The following FAM185A variants were observed in gnomAD, a reference collection of about 807,000 sequenced individuals.
FAM185A encodes the protein family with sequence similarity 185 member A.
Under a neutral mutation model 45.7 loss-of-function variants are expected in FAM185A, and 21 were observed. The ratio of observed to expected loss-of-function variants is 0.46; its 90% CI spans 0.33 to 0.66. The LOEUF (loss-of-function observed/expected upper bound fraction) is 0.66, where lower values mean the gene tolerates loss of function less well. FAM185A is among the 30% of genes least tolerant of loss of function. FAM185A has a pLI of 0.03. For missense variants in FAM185A, 305 were observed against 485.4 expected (o/e 0.63, Z 3.49); for synonymous variants, 117 against 194.0 (o/e 0.60, Z 3.30).
At chr7:102,790,213 T>C (rs1355826113) in intron 7 of FAM185A, among the ~76,000 whole-genome samples, 2 of 152,244 alleles carry the variant, frequency 1.3e-5, no homozygotes, top group Non-Finnish European at 2.9e-5. Flanking sequence ...TGCTATACTT[T>C]TTTATGACAG....
chr7:102,830,212 GCAAA>G, the FAM185A span, among the ~76,000 whole-genome samples: 97 of 152,168 alleles, frequency 6.4e-4, 4 homozygotes, highest in South Asian at 0.014. Flanking sequence ...AAAAACCAAA[GCAAA>G]CAAACAAACA....
chr7:102,798,895 C>A (rs1356160882), intron 7 of FAM185A, among the ~76,000 whole-genome samples: 2 of 151,910 alleles, frequency 1.3e-5, no homozygotes, highest in Non-Finnish European at 2.9e-5. Flanking sequence ...TTACAGGCAC[C>A]TGCCACCACG....
intron 4 of FAM185A, among the ~76,000 whole-genome samples, chr7:102,771,120 A>T (rs1273571412): frequency 6.6e-6 from 1 of 152,170 alleles, no homozygotes; most frequent in Non-Finnish European, 1.5e-5. Flanking sequence ...AGAAAACCAA[A>T]TACCACATGG....
the FAM185A span, among the ~76,000 whole-genome samples, chr7:102,835,601 T>TTG: frequency 9.5e-6 from 1 of 105,474 alleles, no homozygotes; most frequent in Admixed American, 1.3e-4. Context: ...TAAGGTGACA[T>TTG]TGTTTTTTTT....
Position 102,749,547 on chromosome 7 carries a change from G to T in FAM185A, c.340G>T (p.Gly114Cys), listed in dbSNP as rs1250540610. ...GTGCGGCGTGGAGGGCGGCGTGCGGGGCCTGGACGGCCTGCAGGTGAAGTA... is the reference window on the plus strand; with the variant it reads ...GTGCGGCGTGGAGGGCGGCGTGCGGTGCCTGGACGGCCTGCAGGTGAAGTA... ...AVCGVEGGVRGLDGLQVKYDE... is the reference protein window; with the variant it reads ...AVCGVEGGVRCLDGLQVKYDE... Residue 114 changes from glycine (G) to cysteine (C), a missense_variant, in exon 1 of 8, where the codon GGC becomes TGC. Physicochemically the swap from Gly to Cys is radical, Grantham distance 159. Around this residue, in one of 5 missense-constraint regions of FAM185A, gnomAD observed 174 missense variants for 247.1 expected, o/e 0.70. Coordinates refer to ENST00000413034, the MANE Select transcript of FAM185A (RefSeq NM_001145268.2). 3.9e-6 allele frequency: 6 copies of T among 1,519,372 alleles called. No homozygotes were observed. In the African/African-American group the frequency reaches 8.3e-5, roughly 21 times the overall value. The allele number at this position is 1,519,372 out of a possible 1,614,324, so 94.1% of individuals were successfully genotyped here. A position where few individuals can be genotyped will look rare whatever the true frequency, so the allele number is the denominator to read the frequency against.
the FAM185A span, among the ~76,000 whole-genome samples, chr7:102,826,260 T>G: frequency 6.6e-6 from 1 of 152,176 alleles, no homozygotes; most frequent in African/African-American, 2.4e-5. Context: ...AGGGGCTGAA[T>G]AGTCCACAAA....
At chr7:102,794,058 A>G (rs1318014895) in intron 7 of FAM185A, among the ~76,000 whole-genome samples, 2 of 151,444 alleles carry the variant, frequency 1.3e-5, no homozygotes, top group East Asian at 1.9e-4. Flanking sequence ...AAAAAAAAAA[A>G]AGTAAAAGCC....
Position 102,777,345 on chromosome 7 carries a change from A to T in FAM185A, c.928A>T (p.Lys310Ter), listed in dbSNP as rs1337074906. The change falls in exon 6 of 8, where the codon AAA becomes TAA. Residue 310 changes from lysine to a stop codon, truncating the protein, a stop_gained. Transcript: ENST00000413034. LOFTEE classifies it high-confidence loss of function. Reference sequence around the variant, plus strand: ...GGGGAAAGTGGAATTGAAATCCCATAAAGGTTAGTGAACTGGAATGTTTTA... The same window carrying T: ...GGGGAAAGTGGAATTGAAATCCCATTAAGGTTAGTGAACTGGAATGTTTTA... Reference protein sequence around the residue: ...QLGKVELKSHKGSIIVKVPSS... With the variant: ...QLGKVELKSH 1.3e-6 allele frequency: 2 copies of T among 1,522,036 alleles called. No individual in the cohort carries two copies. Among genetic ancestry groups the T allele is most frequent in the Non-Finnish European group, 1.8e-6 (2 of 1,129,686 alleles). 94.3% of individuals were successfully genotyped at this position (1,522,036 alleles called of 1,614,324 possible).
At chr7:102,776,410 G>A (rs898938730) in intron 5 of FAM185A, among the ~76,000 whole-genome samples, 5 of 151,970 alleles carry the variant, frequency 3.3e-5, no homozygotes, top group Non-Finnish European at 7.4e-5. Flanking sequence ...TTGAGATACT[G>A]GTTGATTCAA....
At chr7:102,780,735 G>A (rs978148177) in intron 6 of FAM185A, among the ~76,000 whole-genome samples, 3 of 152,190 alleles carry the variant, frequency 2.0e-5, no homozygotes, top group African/African-American at 4.8e-5. Flanking sequence ...CAGCGTGAGC[G>A]ACGCAGAAGA....
At chr7:102,766,042 C>T in intron 4 of FAM185A, among the ~76,000 whole-genome samples, 1 of 152,060 alleles carries the variant, frequency 6.6e-6, no homozygotes, top group Non-Finnish European at 1.5e-5. Flanking sequence ...ATGTATTCTA[C>T]AAAATACAGT....
At chr7:102,758,427 C>CT (rs869220298) in intron 3 of FAM185A, among the ~76,000 whole-genome samples, 7 of 45,896 alleles carry the variant, frequency 1.5e-4, no homozygotes, top group African/African-American at 5.0e-4. Flanking sequence ...GCTCTCACAG[C>CT]TTTTTTTTTT....
chr7:102,801,222 AGGAGCTCTAAATC>A (rs781146216), intron 7 of FAM185A, among the ~76,000 whole-genome samples: 36 of 152,344 alleles, frequency 2.4e-4, no homozygotes, highest in Non-Finnish European at 5.1e-4. Flanking sequence ...AACTGCTAAA[AGGAGCTCTAAATC>A]TTAAAACAAA....
the FAM185A span, among the ~76,000 whole-genome samples, chr7:102,816,002 G>GAATCGAAA: frequency 2.6e-5 from 4 of 152,200 alleles, no homozygotes; most frequent in African/African-American, 9.6e-5. Flanking sequence ...TGATGGGACA[G>GAATCGAAA]AATCGAAATG....
chr7:102,776,116 A>ACAC (rs1198677194), intron 5 of FAM185A, among the ~76,000 whole-genome samples: 1 of 126,594 alleles, frequency 7.9e-6, no homozygotes, highest in African/African-American at 3.7e-5. Flanking sequence ...ACACACACAC[A>ACAC]AATGTTTTCT....
chr7:102,849,481 C>T, the FAM185A span, among the ~76,000 whole-genome samples: 5 of 152,060 alleles, frequency 3.3e-5, no homozygotes, highest in South Asian at 2.1e-4. Flanking sequence ...TCTCATTAAG[C>T]GAATTATGTA....
chr7:102,847,468 T>C, the FAM185A span, among the ~76,000 whole-genome samples: 1 of 152,176 alleles, frequency 6.6e-6, no homozygotes, highest in African/African-American at 2.4e-5. Context: ...AAATGGATGA[T>C]TAATTTTTAA....
chr7:102,847,282 A>C, the FAM185A span, among the ~76,000 whole-genome samples: 1 of 152,126 alleles, frequency 6.6e-6, no homozygotes, highest in Non-Finnish European at 1.5e-5. Flanking sequence ...CTGTAGGGGA[A>C]TGAATTGTTG....
At chr7:102,788,459 C>G (rs1044867825) in intron 7 of FAM185A, among the ~76,000 whole-genome samples, 1 of 152,074 alleles carries the variant, frequency 6.6e-6, no homozygotes, top group African/African-American at 2.4e-5. Flanking sequence ...TTCATAAGAT[C>G]AAATTTCAGT....
Sources: gnomAD v4.1 joint callset for allele counts (sites outside exome capture counted in the v4.1 genomes callset) on GRCh38, gnomAD v4.1.1 for gene constraint, gnomAD v4.1.1 regional missense constraint, MANE v1.5 for transcripts, NCBI Gene and HGNC (gene_info 2026-07-23, HGNC 2026-07-21) for gene names.